RTN1: variants seen among roughly 807,000 people sequenced by gnomAD.
RTN1 encodes reticulon 1.
A neutral mutation model predicts 65.5 loss-of-function variants in RTN1; 25 were observed. That is an observed-to-expected ratio of 0.38 (90% CI 0.28 to 0.53). The LOEUF (loss-of-function observed/expected upper bound fraction) is 0.53. Among genes scored for constraint, RTN1 ranks in the 20% least tolerant of loss-of-function variants. RTN1 has a pLI of 0.79. For missense variants in RTN1, 983 were observed against 1,025.4 expected (o/e 0.96, Z 0.57); for synonymous variants, 471 against 447.6 (o/e 1.05, Z -0.66).
rs1887838224 is a variant in RTN1, at chr14:59,868,647, A to G, written c.241+1743T>C. On this transcript the variant is annotated intron_variant, in intron 1 of 8. Transcript: ENST00000267484. This position sits in a 1 kb window ranked among gnomAD's most constrained non-coding sequence, Gnocchi z 4.0. ...GTCAAAACATCACACTGTACCCCAC[A>G]AATATATATTCTAAGCATTTCCTAT... 6.6e-6 allele frequency among the ~76,000 whole-genome samples: 1 copy of G among 152,208 alleles called. No homozygotes were observed. The highest frequency in any genetic ancestry group is 2.4e-5 in the African/African-American group (1 of 41,464).
At chr14:59,724,365 T>C (rs1884711994) in intron 3 of RTN1, among the ~76,000 whole-genome samples, 1 of 152,206 alleles carries the variant, frequency 6.6e-6, no homozygotes, top group Admixed American at 6.5e-5. Flanking sequence ...TTATTCTAAA[T>C]ATTTCTAGGC....
intron 3 of RTN1, among the ~76,000 whole-genome samples, chr14:59,661,035 A>AT (rs1245199037): frequency 1.3e-5 from 2 of 152,048 alleles, no homozygotes; most frequent in African/African-American, 4.8e-5. Flanking sequence ...AATAGACACA[A>AT]TAAAAAATGA....
intron 1 of RTN1, among the ~76,000 whole-genome samples, chr14:59,749,583 ATATTTATATATATATC>A (rs1405425602): frequency 4.9e-5 from 2 of 41,164 alleles, no homozygotes; most frequent in African/African-American, 4.4e-4. Context: ...ATATATATAG[ATATTTATATATATATC>A]TATCTATATA....
rs532120657 is a variant in RTN1 at position 59,816,812 on chromosome 14, G to T, written c.241+53578C>A. On this transcript the variant is annotated intron_variant, in intron 1 of 8. Coordinates refer to ENST00000267484, the MANE Select transcript of RTN1 (RefSeq NM_021136.3). The surrounding 1 kb of genome is among the most constrained non-coding windows in gnomAD (Gnocchi z 4.3). ...GCTGGGTGTGGTGGCATGTGCCTGT[G>T]GTCCCAGCTACTCGGGAGGCTAAGG... Among the ~76,000 whole-genome samples the T allele has an allele frequency of 6.6e-6, 1 of 152,174 alleles. No individual in the cohort carries two copies. The highest frequency in any genetic ancestry group is 2.1e-4 in the South Asian group (1 of 4,810).
intron 3 of RTN1, among the ~76,000 whole-genome samples, chr14:59,709,664 AG>A (rs1378929548): frequency 6.6e-6 from 1 of 152,200 alleles, no homozygotes; most frequent in African/African-American, 2.4e-5. Context: ...ATGGGGGTCC[AG>A]GCAGACAAAA....
At chr14:59,686,628 T>A (rs1883851645) in intron 3 of RTN1, among the ~76,000 whole-genome samples, 1 of 152,198 alleles carries the variant, frequency 6.6e-6, no homozygotes, top group African/African-American at 2.4e-5. Context: ...CAAACAGCCC[T>A]CGTGACAGTG....
chr14:59,714,680 C>T (rs1269924274), intron 3 of RTN1, among the ~76,000 whole-genome samples: 1 of 152,196 alleles, frequency 6.6e-6, no homozygotes, highest in Non-Finnish European at 1.5e-5. Flanking sequence ...TGACTGAGAG[C>T]CACTTCCCAA....
chr14:59,706,365 A>G (rs1884294913), intron 3 of RTN1, among the ~76,000 whole-genome samples: 1 of 151,304 alleles, frequency 6.6e-6, no homozygotes, highest in East Asian at 1.9e-4. Context: ...TAGGAAAAGA[A>G]TATTTAAGCA....
In RTN1 at chr14:59,689,367, C is replaced by T. The variant is rs150372643; in HGVS notation, c.1765+37552G>A. Among the ~76,000 whole-genome samples, 19 of 152,300 alleles carry T rather than the reference C, an allele frequency of 1.2e-4. No individual in the cohort carries two copies. The East Asian group carries it at 3.7e-3, about 29-fold the overall frequency. On this transcript the variant is annotated intron_variant, in intron 3 of 8. Transcript: ENST00000267484. ...CATTTCTGCAGAGACGGAAAGTCAA[C>T]AATCTAGAAAACATATTTAAGGGAA...
rs1886605783 is a variant in RTN1 at position 59,804,741 on chromosome 14, G to T, written c.242-58260C>A. On this transcript the variant is annotated intron_variant, in intron 1 of 8. Coordinates refer to ENST00000267484, the MANE Select transcript of RTN1 (RefSeq NM_021136.3). ...GCAAAACTGCATGGGAAGTAAATTT[G>T]CTGCTGGGAATGCAGTAGTTTTTTG... 1.3e-5 allele frequency among the ~76,000 whole-genome samples: 2 copies of T among 152,180 alleles called. 1 individual carries two copies. Among genetic ancestry groups the T allele is most frequent in the South Asian group, 4.1e-4 (2 of 4,836 alleles).
At chr14:59,726,260 T>G in intron 3 of RTN1, among the ~76,000 whole-genome samples, 1 of 152,214 alleles carries the variant, frequency 6.6e-6, no homozygotes, top group East Asian at 1.9e-4. Flanking sequence ...AGGGAGAACA[T>G]AATGACCACA....
intron 1 of RTN1, among the ~76,000 whole-genome samples, chr14:59,861,396 A>C (rs1887707074): frequency 1.3e-5 from 2 of 152,294 alleles, no homozygotes; most frequent in South Asian, 2.1e-4. Context: ...ATGGAACTGT[A>C]AGTTGATTAA....
At chr14:59,866,556 C>T (rs116551828) in intron 1 of RTN1, among the ~76,000 whole-genome samples, 1,868 of 152,134 alleles carry the variant, frequency 0.012, 37 homozygotes, top group African/African-American at 0.042. Context: ...TTTAATTTAA[C>T]CTAATTTGAA....
chr14:59,640,068 T>G (rs1314203360), intron 3 of RTN1, among the ~76,000 whole-genome samples: 1 of 152,208 alleles, frequency 6.6e-6, no homozygotes, highest in East Asian at 1.9e-4. Flanking sequence ...CAAAGCAAGT[T>G]AGAAAATGTT....
At chr14:59,824,232 A>T (rs1347951505) in intron 1 of RTN1, among the ~76,000 whole-genome samples, 1 of 152,200 alleles carries the variant, frequency 6.6e-6, no homozygotes, top group Non-Finnish European at 1.5e-5. Context: ...ATTAAGTTTT[A>T]TGTATTCTAA....
At chr14:59,610,003 T>C in intron 3 of RTN1, 1 of 684,772 alleles carries the variant, frequency 1.5e-6, no homozygotes, top group Non-Finnish European at 2.7e-6. Flanking sequence ...TGAAGGAAGA[T>C]GCTTACCCAC....
At chr14:59,822,176 T>A (rs1886955069) in intron 1 of RTN1, among the ~76,000 whole-genome samples, 1 of 152,196 alleles carries the variant, frequency 6.6e-6, no homozygotes, top group African/African-American at 2.4e-5. Context: ...TTATTGTTGA[T>A]TCAGTTTTGA....
At chr14:59,601,318 T>G (rs111397646) in intron 8 of RTN1, among the ~76,000 whole-genome samples, 1 of 151,346 alleles carries the variant, frequency 6.6e-6, no homozygotes, top group Non-Finnish European at 1.5e-5. Flanking sequence ...AGGCCCAGGT[T>G]GAATGCCACC....
At chr14:59,662,944 A>G (rs1259209890) in intron 3 of RTN1, among the ~76,000 whole-genome samples, 1 of 152,186 alleles carries the variant, frequency 6.6e-6, no homozygotes, top group Non-Finnish European at 1.5e-5. Context: ...GCCTAAAAAG[A>G]GCCCATATAG....
Sources: gnomAD v4.1 joint callset for allele counts (sites outside exome capture counted in the v4.1 genomes callset) on GRCh38, gnomAD v4.1.1 for gene constraint, Gnocchi (gnomAD v3.1) non-coding constraint, MANE v1.5 for transcripts, NCBI Gene and HGNC (gene_info 2026-07-23, HGNC 2026-07-21) for gene names.